The following JAK1 variants were observed in gnomAD, a reference collection of about 807,000 sequenced individuals.
The protein encoded by JAK1 is tyrosine-protein kinase JAK1.
A neutral mutation model predicts 136.6 loss-of-function variants in JAK1; 16 were observed. The observed-to-expected ratio is 0.12, with a 90% CI of 0.08 to 0.18. The LOEUF (loss-of-function observed/expected upper bound fraction) is 0.18. Among genes scored for constraint, JAK1 ranks in the 10% least tolerant of loss-of-function variants. The pLI, the probability that JAK1 is intolerant of heterozygous loss-of-function variation, is 1.00. For synonymous variants in JAK1, 492 were observed against 519.5 expected (o/e 0.95, Z 0.72); for missense variants, 859 against 1,450.1 (o/e 0.59, Z 6.62).
At chr1:64,896,647 A>G (rs181532845) in intron 1 of JAK1, among the ~76,000 whole-genome samples, 134 of 152,330 alleles carry the variant, frequency 8.8e-4, no homozygotes, top group African/African-American at 3.1e-3. Flanking sequence ...AAAAGAAAAC[A>G]ACAAAAGATA....
At position 64,900,966 on chromosome 1, in the gene JAK1, C is replaced by T. The variant is rs1024741271; in HGVS notation, c.-77-14625G>A. On this transcript the variant is annotated intron_variant, in intron 1 of 24. Coordinates refer to ENST00000342505, the MANE Select transcript of JAK1 (RefSeq NM_002227.4). ...TCAGGAATCATCTCCATCAAGGTTTCCCTGACTTCTCCCATTTCCCAAGTG... is the reference window on the plus strand; with the variant it reads ...TCAGGAATCATCTCCATCAAGGTTTTCCTGACTTCTCCCATTTCCCAAGTG... Among the ~76,000 whole-genome samples the T allele has an allele frequency of 8.5e-5, 13 of 152,236 alleles. 1 individual carries two copies. Among genetic ancestry groups the T allele is most frequent in the Admixed American group, 5.2e-4 (8 of 15,296 alleles).
rs747600015 is a variant in JAK1 at position 64,834,120 on chromosome 1, ATCTT to A, written c.*438_*441del. The A allele has an allele frequency of 4.1e-6, 1 of 246,710 alleles. No homozygotes were observed. Among genetic ancestry groups the A allele is most frequent in the Admixed American group, 4.9e-5 (1 of 20,348 alleles). 15.3% of individuals were successfully genotyped at this position (246,710 alleles called of 1,614,324 possible). On this transcript the variant is annotated 3_prime_UTR_variant, in exon 25 of 25. Coordinates refer to ENST00000342505, the MANE Select transcript of JAK1 (RefSeq NM_002227.4). Reference sequence around the variant, plus strand: ...TGAAATTTGAGGGCTAAGTCCATCAATCTTTCTTTATCTATGATTAATGTGCCAG... The same window carrying A: ...TGAAATTTGAGGGCTAAGTCCATCAATCTTTATCTATGATTAATGTGCCAG...
At chr1:64,902,309 C>T (rs1160537180) in intron 1 of JAK1, among the ~76,000 whole-genome samples, 1 of 152,118 alleles carries the variant, frequency 6.6e-6, no homozygotes, top group Non-Finnish European at 1.5e-5. Context: ...AAACAGCCTC[C>T]TCAGCACTAA....
chr1:65,018,093 G>T (rs1305720593), intron 2 of JAK1, among the ~76,000 whole-genome samples: 2 of 152,158 alleles, frequency 1.3e-5, no homozygotes, highest in East Asian at 3.9e-4. Flanking sequence ...TTACAGGTGT[G>T]AGCCACTGCA....
In JAK1 at chr1:64,959,751, C is replaced by A. The variant is rs112405248; in HGVS notation, c.-78+6582G>T. Reference sequence around the variant, plus strand: ...CCTTTGGCACTGTCTACGTAATAAACCCTTCTAGATTTGAGAAACTGCCTT... The same window carrying A: ...CCTTTGGCACTGTCTACGTAATAAAACCTTCTAGATTTGAGAAACTGCCTT... On this transcript the variant is annotated intron_variant, in intron 1 of 24. Coordinates refer to ENST00000342505, the MANE Select transcript of JAK1 (RefSeq NM_002227.4). 1.9e-4 allele frequency among the ~76,000 whole-genome samples: 29 copies of A among 152,282 alleles called. 2 individuals carry two copies. In the East Asian group the frequency reaches 1.9e-3, roughly 10 times the overall value.
Position 65,027,152 on chromosome 1 carries a change from T to G in JAK1, c.-78+17328A>C, listed in dbSNP as rs376677674. Among the ~76,000 whole-genome samples, 144 of 151,652 alleles carry G rather than the reference T, an allele frequency of 9.5e-4. 2 individuals are homozygous for G. In the South Asian group the frequency reaches 0.029, roughly 30 times the overall value. Reference sequence around the variant, plus strand: ...ACCTCTGCCTCCTGGGTTCAAGCTATTCTCCTGGCTCAGTCTCTTGAGTAA... The same window carrying G: ...ACCTCTGCCTCCTGGGTTCAAGCTAGTCTCCTGGCTCAGTCTCTTGAGTAA... On this transcript the variant is annotated intron_variant, in intron 2 of 25. Transcript: ENST00000671954.
intron 1 of JAK1, among the ~76,000 whole-genome samples, chr1:64,908,951 T>C (rs1645235668): frequency 2.0e-5 from 3 of 152,126 alleles, no homozygotes; most frequent in Admixed American, 2.0e-4. Flanking sequence ...CTACTGGCAA[T>C]ATAACAGACA....
At chr1:65,058,551 G>T (rs1302589091) in intron 1 of JAK1, 1 of 529,308 alleles carries the variant, frequency 1.9e-6, no homozygotes, top group Non-Finnish European at 3.9e-6. Context: ...CTTTCTGGTG[G>T]CTGCATTACT....
chr1:64,857,674 G>C lies in JAK1; in HGVS notation c.1440C>G (p.Thr480=), dbSNP rs34597718. ...TDFDNILMTV[T]CFEKSEQVQG... ...GACTGACCTCAGACTTCTCAAAGCA[G>C]GTGACGGTCATGAGGATGTTGTCAA... Residue 480 remains threonine, a synonymous_variant, in exon 10 of 25, where the codon ACC becomes ACG. Transcript: ENST00000342505. The C allele has an allele frequency of 5.0e-6, 8 of 1,614,194 alleles. No homozygotes were observed. The highest frequency in any genetic ancestry group is 1.7e-5 in the Admixed American group (1 of 60,022).
intron 17 of JAK1, among the ~76,000 whole-genome samples, chr1:64,842,528 C>T (rs1353903664): frequency 1.3e-5 from 2 of 152,140 alleles, no homozygotes; most frequent in Admixed American, 1.3e-4. Context: ...CTGAGAATTG[C>T]TCTTGTCCTT....
intron 2 of JAK1, among the ~76,000 whole-genome samples, chr1:65,044,146 T>C (rs1253382791): frequency 6.6e-6 from 1 of 152,184 alleles, no homozygotes; most frequent in African/African-American, 2.4e-5. Flanking sequence ...TGTAAACCAC[T>C]GTGCCCAGCC....
intron 14 of JAK1, 84 bp downstream of exon 14, chr1:64,846,565 A>T: frequency 1.0e-6 from 1 of 954,872 alleles, no homozygotes; most frequent in Non-Finnish European, 1.7e-6. Context: ...GGGCAACGTG[A>T]GGGTGGGAAG....
chr1:64,981,486 C>T (rs892931921), intron 2 of JAK1, among the ~76,000 whole-genome samples: 2 of 152,202 alleles, frequency 1.3e-5, no homozygotes, highest in Non-Finnish European at 2.9e-5. Flanking sequence ...TGAGCCTCAA[C>T]CTGTGGGAGC....
chr1:64,835,509 A>G lies in JAK1; in HGVS notation c.3259-3T>C, dbSNP rs2100930564. 2.0e-6 allele frequency: 3 copies of G among 1,530,872 alleles called. No individual in the cohort carries two copies. The highest frequency in any genetic ancestry group is 2.4e-5 in the South Asian group (2 of 84,982). 94.8% of individuals were successfully genotyped at this position (1,530,872 alleles called of 1,614,324 possible). A position where few individuals can be genotyped will look rare whatever the true frequency, so the allele number is the denominator to read the frequency against. ...GGGCCTATCATTTTCAGGAACAACT[A>G]TATAAAATAAAATCAAACAAAACGT... is the stretch of plus-strand genomic sequence containing the variant. On this transcript the variant is annotated splice_polypyrimidine_tract_variant and splice_region_variant and intron_variant, in intron 23 of 24. Transcript: ENST00000342505.
chr1:64,942,163 T>A lies in JAK1; in HGVS notation c.-78+24170A>T, dbSNP rs189573208. On this transcript the variant is annotated intron_variant, in intron 1 of 24. Transcript: ENST00000342505. ...ATATCTTGGATGGAAGTAGGTATTTTGACATAAAAGATATAGAGGACACAT... is the reference window on the plus strand; with the variant it reads ...ATATCTTGGATGGAAGTAGGTATTTAGACATAAAAGATATAGAGGACACAT... 4 of 152,318 alleles carry A rather than the reference T, an allele frequency of 2.6e-5. No individual in the cohort carries two copies. The East Asian group carries it at 7.7e-4, about 29-fold the overall frequency. The allele number at this position is 152,318 out of a possible 1,614,324, so 9.4% of individuals were successfully genotyped here.
intron 1 of JAK1, among the ~76,000 whole-genome samples, chr1:64,889,891 T>G (rs1644909799): frequency 6.6e-6 from 1 of 152,248 alleles, no homozygotes; most frequent in Non-Finnish European, 1.5e-5. Flanking sequence ...TGCCAGATTT[T>G]TACCGTTAAA....
intron 1 of JAK1, among the ~76,000 whole-genome samples, chr1:65,054,418 T>C (rs1306665805): frequency 6.6e-6 from 1 of 152,138 alleles, no homozygotes; most frequent in South Asian, 2.1e-4. Flanking sequence ...TGATTTTATA[T>C]ATATGATTTC....
At position 64,873,536 on chromosome 1, in the gene JAK1, A is replaced by C; in HGVS notation, c.330-13T>G. 2 of 1,614,006 alleles carry C rather than the reference A, an allele frequency of 1.2e-6. No homozygotes were observed. The highest frequency in any genetic ancestry group is 1.7e-6 in the Non-Finnish European group (2 of 1,179,882). ...GGTGAAATAGAACCTGGAAGGCAGG[A>C]AAATGAATGCCAATTGTGGCAAAGG... is the stretch of plus-strand genomic sequence containing the variant. On this transcript the variant is annotated splice_polypyrimidine_tract_variant and intron_variant, in intron 4 of 24. Transcript: ENST00000342505.
chr1:65,015,182 A>G (rs1277178964), intron 2 of JAK1, among the ~76,000 whole-genome samples: 2 of 152,228 alleles, frequency 1.3e-5, no homozygotes, highest in Non-Finnish European at 2.9e-5. Context: ...GAAAGAATGA[A>G]GAGTAAAGAG....
Sources: allele counts gnomAD v4.1 joint callset (sites outside exome capture counted in the v4.1 genomes callset), GRCh38; gene constraint gnomAD v4.1.1; transcripts MANE v1.5; gene names NCBI Gene and HGNC (gene_info 2026-07-23, HGNC 2026-07-21).